Variants in HTR6 observed in about 807,000 individuals in gnomAD.
The protein encoded by HTR6 is 5-hydroxytryptamine receptor 6, also known as 5-hydroxytryptamine (serotonin) receptor 6, G protein-coupled.
HTR6 carries 15 observed loss-of-function variants against 17.4 expected under a neutral mutation model. The ratio of observed to expected loss-of-function variants is 0.86; its 90% CI spans 0.58 to 1.33. The LOEUF is 1.33. Ranked by LOEUF, HTR6 falls within the 40% of genes most tolerant of loss-of-function variation. HTR6 has a pLI of 0.00. For missense variants in HTR6, 578 were observed against 616.0 expected, an observed-to-expected ratio of 0.94 and a Z score of 0.65; for synonymous variants, 326 against 295.5, an observed-to-expected ratio of 1.10 and a Z score of -1.06.
chr1:19,665,856 G>C lies in HTR6; in HGVS notation c.103G>C (p.Val35Leu). The C allele has an allele frequency of 1.0e-5, 16 of 1,593,110 alleles. No individual in the cohort carries two copies. Among genetic ancestry groups the C allele is most frequent in the Non-Finnish European group, 1.4e-5 (16 of 1,170,480 alleles). Reference sequence around the variant, plus strand: ...CGGCTGGGTGGCGGCCGCGCTGTGCGTGGTCATCGCGCTGACGGCGGCGGC... The same window carrying C: ...CGGCTGGGTGGCGGCCGCGCTGTGCCTGGTCATCGCGCTGACGGCGGCGGC... Reference protein sequence around the residue: ...GSGWVAAALCVVIALTAAANS... With the variant: ...GSGWVAAALCLVIALTAAANS... The change falls in exon 1 of 3, where the codon GTG (valine) becomes CTG (leucine). Residue 35 changes from valine to leucine, a missense_variant. Transcript: ENST00000289753. This position sits in a 1 kb window ranked among gnomAD's most constrained non-coding sequence, Gnocchi z 4.2.
In HTR6 at chr1:19,669,528, T is replaced by A. The variant is rs1412807646; in HGVS notation, c.714+3061T>A. On this transcript the variant is annotated intron_variant, in intron 1 of 2. Coordinates refer to ENST00000289753, the MANE Select transcript of HTR6 (RefSeq NM_000871.3). ...CTGGTGCCATCGCCCTGTGCTGGTG[T>A]GCTGCCTGTGGGCAGTGATGCTCTT... is the stretch of plus-strand genomic sequence containing the variant. 2.0e-5 allele frequency among the ~76,000 whole-genome samples: 3 copies of A among 152,158 alleles called. No individual in the cohort carries two copies. In the East Asian group the frequency reaches 5.8e-4, roughly 29 times the overall value.
Position 19,665,843 on chromosome 1 carries a change from G to T in HTR6, c.90G>T (p.Ala30=). Residue 30 remains alanine, a synonymous_variant, in exon 1 of 3, where the codon GCG becomes GCT. Transcript: ENST00000289753. The surrounding 1 kb of genome is among the most constrained non-coding windows in gnomAD (Gnocchi z 4.2). ...CCCCGGGGGGCAGCGGCTGGGTGGC[G>T]GCCGCGCTGTGCGTGGTCATCGCGC... ...PSAPGGSGWV[A]AALCVVIALT... is the part of the protein sequence containing the mutation. The T allele has an allele frequency of 6.3e-7, 1 of 1,575,010 alleles. No individual in the cohort carries two copies. Among genetic ancestry groups the T allele is most frequent in the Non-Finnish European group, 8.6e-7 (1 of 1,161,036 alleles).
chr1:19,679,637 G>T lies in HTR6; in HGVS notation c.*269G>T. ...GAGGATGGGCTGGAGGACTCTGGAT[G>T]TTGGGGAGAAGGACCTCTTGGTTCA... On this transcript the variant is annotated 3_prime_UTR_variant, in exon 3 of 3. Coordinates refer to ENST00000289753, the MANE Select transcript of HTR6 (RefSeq NM_000871.3). This position sits in a 1 kb window ranked among gnomAD's most constrained non-coding sequence, Gnocchi z 4.9. The T allele has an allele frequency of 2.2e-6, 1 of 457,826 alleles. No homozygotes were observed. The highest frequency in any genetic ancestry group is 3.8e-6 in the Non-Finnish European group (1 of 262,690). 28.4% of individuals were successfully genotyped at this position (457,826 alleles called of 1,614,324 possible).
intron 1 of HTR6, among the ~76,000 whole-genome samples, chr1:19,670,163 A>C (rs1200050911): frequency 1.3e-5 from 2 of 151,722 alleles, no homozygotes; most frequent in African/African-American, 4.8e-5. Context: ...CACCAAGCCC[A>C]TTCTGCCTCA....
At position 19,665,165 on chromosome 1, in the gene HTR6, G is replaced by C. The variant is rs971029225; in HGVS notation, c.-589G>C. 3 of 151,832 alleles carry C rather than the reference G, an allele frequency of 2.0e-5. No homozygotes were observed. Among genetic ancestry groups the C allele is most frequent in the African/African-American group, 7.3e-5 (3 of 41,370 alleles). 9.4% of individuals were successfully genotyped at this position (151,832 alleles called of 1,614,324 possible). ...CCCCCGCGCCGCACAGGCCGTGTGC[G>C]CCGGATCCCGGTGCCTCCGCGCCAG... On this transcript the variant is annotated 5_prime_UTR_variant, in exon 1 of 3. Coordinates refer to ENST00000289753, the MANE Select transcript of HTR6 (RefSeq NM_000871.3). The surrounding 1 kb of genome is among the most constrained non-coding windows in gnomAD (Gnocchi z 4.2).
In HTR6 at chr1:19,679,404, G is replaced by T. The variant is rs902380624; in HGVS notation, c.*36G>T. ...GGGCTGGCCAATGGGGAGCTGGATT[G>T]AGCAGAACCCAGACCCTGAGTCCTT... On this transcript the variant is annotated 3_prime_UTR_variant, in exon 3 of 3. Transcript: ENST00000289753. This position sits in a 1 kb window ranked among gnomAD's most constrained non-coding sequence, Gnocchi z 4.9. 3 of 1,525,402 alleles carry T rather than the reference G, an allele frequency of 2.0e-6. No individual in the cohort carries two copies. The highest frequency in any genetic ancestry group is 1.3e-5 in the South Asian group (1 of 78,172). 94.5% of individuals were successfully genotyped at this position (1,525,402 alleles called of 1,614,324 possible).
chr1:19,674,669 G>A (rs573596719), intron 1 of HTR6, among the ~76,000 whole-genome samples: 48 of 152,366 alleles, frequency 3.2e-4, no homozygotes, highest in Non-Finnish European at 3.8e-4. Flanking sequence ...GCCTCCCAAA[G>A]GGCTGAGATT....
At position 19,664,912 on chromosome 1, in the gene HTR6, G is replaced by T. The variant is rs1398919890; in HGVS notation, c.-842G>T. On this transcript the variant is annotated 5_prime_UTR_variant, in exon 1 of 3. Transcript: ENST00000289753. This position sits in a 1 kb window ranked among gnomAD's most constrained non-coding sequence, Gnocchi z 4.7. Reference sequence around the variant, plus strand: ...TCCTCCGCGCGTGCGGGCCCCTCGCGGCGCCTCCCGGGCTCGGGAGACCCG... The same window carrying T: ...TCCTCCGCGCGTGCGGGCCCCTCGCTGCGCCTCCCGGGCTCGGGAGACCCG... 1.3e-5 allele frequency among the ~76,000 whole-genome samples: 2 copies of T among 149,912 alleles called. No individual in the cohort carries two copies. Among genetic ancestry groups the T allele is most frequent in the Non-Finnish European group, 3.0e-5 (2 of 67,118 alleles).
At chr1:19,678,219 TGGGTCA>T (rs565305073) in intron 1 of HTR6, among the ~76,000 whole-genome samples, 93 of 152,348 alleles carry the variant, frequency 6.1e-4, no homozygotes, top group African/African-American at 2.1e-3. Flanking sequence ...TATGAAATTC[TGGGTCA>T]GGGTCAGGGC....
chr1:19,665,743 C>G lies in HTR6; in HGVS notation c.-11C>G, dbSNP rs201330629. ...ACCCTATCACTCCCTTGCCGTCCACCCTCGGTCCTCATGGTCCCAGAGCCG... is the reference window on the plus strand; with the variant it reads ...ACCCTATCACTCCCTTGCCGTCCACGCTCGGTCCTCATGGTCCCAGAGCCG... On this transcript the variant is annotated 5_prime_UTR_variant, in exon 1 of 3. Transcript: ENST00000289753. This position sits in a 1 kb window ranked among gnomAD's most constrained non-coding sequence, Gnocchi z 4.2. 2 of 1,466,536 alleles carry G rather than the reference C, an allele frequency of 1.4e-6. No individual in the cohort carries two copies. The highest frequency in any genetic ancestry group is 5.0e-5 in the East Asian group (2 of 39,784). The allele number at this position is 1,466,536 out of a possible 1,614,324, so 90.8% of individuals were successfully genotyped here.
chr1:19,671,163 A>T (rs2095087537), intron 1 of HTR6, among the ~76,000 whole-genome samples: 1 of 152,160 alleles, frequency 6.6e-6, no homozygotes, highest in African/African-American at 2.4e-5. Flanking sequence ...CACCCAGCAA[A>T]CATTCAAAAT....
intron 1 of HTR6, among the ~76,000 whole-genome samples, chr1:19,672,269 G>A (rs890966873): frequency 9.2e-5 from 14 of 151,602 alleles, no homozygotes; most frequent in Non-Finnish European, 1.8e-4. Flanking sequence ...TGTGTGCCCC[G>A]TCTTCCCCTC....
chr1:19,665,529 C>A lies in HTR6; in HGVS notation c.-225C>A, dbSNP rs2095080197. 1 of 447,636 alleles carries A rather than the reference C, an allele frequency of 2.2e-6. No homozygotes were observed. Among genetic ancestry groups the A allele is most frequent in the Non-Finnish European group, 3.9e-6 (1 of 257,478 alleles). The allele number at this position is 447,636 out of a possible 1,614,324, so 27.7% of individuals were successfully genotyped here. On this transcript the variant is annotated 5_prime_UTR_variant, in exon 1 of 3. Coordinates refer to ENST00000289753, the MANE Select transcript of HTR6 (RefSeq NM_000871.3). The surrounding 1 kb of genome is among the most constrained non-coding windows in gnomAD (Gnocchi z 4.2). Reference sequence around the variant, plus strand: ...TTGCTCCAGGAGTTCCTGCCCCATCCCCGAGGGCGCCCAAATAGCCACACT... The same window carrying A: ...TTGCTCCAGGAGTTCCTGCCCCATCACCGAGGGCGCCCAAATAGCCACACT...
rs377683017 is a variant in HTR6, at chr1:19,676,836, C to T, written c.715-1731C>T. The stretch of plus-strand genomic sequence containing the variant: ...GGCCTCGAGAACTAAGCAGGGCTCT[C>T]ACGCAATTTAGGAACTGGACAAATC... On this transcript the variant is annotated intron_variant, in intron 1 of 2. Transcript: ENST00000289753. 1.1e-4 allele frequency among the ~76,000 whole-genome samples: 16 copies of T among 152,334 alleles called. No homozygotes were observed. The South Asian group carries it at 2.3e-3, about 22-fold the overall frequency.
In HTR6 at chr1:19,675,530, G is replaced by A. The variant is rs548541717; in HGVS notation, c.715-3037G>A. ...AGAGGAGAAAGAAAAACCTGGAGTTGTTCCCAGGGAGACTAGAAAGGGAAT... is the reference window on the plus strand; with the variant it reads ...AGAGGAGAAAGAAAAACCTGGAGTTATTCCCAGGGAGACTAGAAAGGGAAT... On this transcript the variant is annotated intron_variant, in intron 1 of 2. Transcript: ENST00000289753. Among the ~76,000 whole-genome samples the A allele has an allele frequency of 2.6e-5, 4 of 152,188 alleles. No homozygotes were observed. In the East Asian group the frequency reaches 7.7e-4, roughly 29 times the overall value.
At chr1:19,675,379 G>A (rs1036635367) in intron 1 of HTR6, among the ~76,000 whole-genome samples, 3 of 152,090 alleles carry the variant, frequency 2.0e-5, no homozygotes, top group African/African-American at 7.2e-5. Flanking sequence ...CTCAGGTTTT[G>A]GTTGGAGGCC....
In HTR6 at chr1:19,666,339, A is replaced by T; in HGVS notation, c.586A>T (p.Thr196Ser). 6.2e-7 allele frequency: 1 copy of T among 1,613,584 alleles called. No individual in the cohort carries two copies. Among genetic ancestry groups the T allele is most frequent in the African/African-American group, 1.3e-5 (1 of 74,984 alleles). The part of the protein sequence containing the change: ...LPFVLVASGL[T>S]FFLPSGAICF... The stretch of plus-strand genomic sequence containing the variant: ...TTTTGTCCTTGTGGCGTCGGGCCTC[A>T]CCTTCTTCCTGCCCTCGGGTGCCAT... Residue 196 changes from threonine (T) to serine (S), a missense_variant, in exon 1 of 3, where the codon ACC becomes TCC. Physicochemically the swap from Thr to Ser is moderately conservative, Grantham distance 58. Coordinates refer to ENST00000289753, the MANE Select transcript of HTR6 (RefSeq NM_000871.3). This position sits in a 1 kb window ranked among gnomAD's most constrained non-coding sequence, Gnocchi z 4.5.
chr1:19,670,694 G>A (rs2095087050), intron 1 of HTR6, among the ~76,000 whole-genome samples: 1 of 152,078 alleles, frequency 6.6e-6, no homozygotes, highest in Admixed American at 6.5e-5. Context: ...GAAACCCTGA[G>A]CTCAGGCAAT....
rs2095101244 is a variant in HTR6 at position 19,680,708 on chromosome 1, T to C, written c.*1340T>C. On this transcript the variant is annotated 3_prime_UTR_variant, in exon 3 of 3. Coordinates refer to ENST00000289753, the MANE Select transcript of HTR6 (RefSeq NM_000871.3). ...GTGGACTCTGGCACAGGGGCCTTGG[T>C]TTCTGGGGGCAGGGGGTTGGGGAAC... Among the ~76,000 whole-genome samples, 1 of 152,066 alleles carries C rather than the reference T, an allele frequency of 6.6e-6. No individual in the cohort carries two copies. Among genetic ancestry groups the C allele is most frequent in the Admixed American group, 6.5e-5 (1 of 15,268 alleles).
Sources: allele counts gnomAD v4.1 joint callset (sites outside exome capture counted in the v4.1 genomes callset), GRCh38; gene constraint gnomAD v4.1.1; non-coding constraint Gnocchi (gnomAD v3.1); transcripts MANE v1.5; gene names NCBI Gene and HGNC (gene_info 2026-07-23, HGNC 2026-07-21).